The following DOCK1 variants were observed in gnomAD, a reference collection of about 807,000 sequenced individuals.
DOCK1 encodes dedicator of cytokinesis protein 1.
In DOCK1, 138 loss-of-function variants were observed where a neutral mutation model predicts 262.7. That is an observed-to-expected ratio of 0.53 (90% CI 0.46 to 0.61). The LOEUF is 0.61. Among genes scored for constraint, DOCK1 ranks in the 20% least tolerant of loss-of-function variants. The pLI is 0.00. For missense variants in DOCK1, 1,908 were observed against 2,370.7 expected (o/e 0.80, Z 4.05); for synonymous variants, 866 against 867.4 (o/e 1.00, Z 0.03).
At chr10:127,183,512 C>A (rs935875521) in intron 27 of DOCK1, among the ~76,000 whole-genome samples, 1 of 152,200 alleles carries the variant, frequency 6.6e-6, no homozygotes, top group Non-Finnish European at 1.5e-5. Flanking sequence ...TAATGAGCTT[C>A]TATTCCTAAG....
chr10:127,417,640 A>G (rs542311122), intron 44 of DOCK1, among the ~76,000 whole-genome samples: 51 of 152,268 alleles, frequency 3.3e-4, no homozygotes, highest in African/African-American at 1.2e-3. Flanking sequence ...CAGTGGCTCA[A>G]TCTCGGCTCA....
At chr10:127,187,180 A>T (rs2056351072) in intron 27 of DOCK1, among the ~76,000 whole-genome samples, 1 of 152,248 alleles carries the variant, frequency 6.6e-6, no homozygotes, top group Non-Finnish European at 1.5e-5. Flanking sequence ...AACTCAATGA[A>T]GAGTCCCATT....
In DOCK1 at chr10:127,032,184, C is replaced by T. The variant is rs765258056; in HGVS notation, c.1776C>T (p.Pro592=). ...LEDAATYLSL[P]STKAELEEKG... ...ATGCTGCCACGTACTTGAGTCTGCCCTCCACGAAGGCAGAGTTGGAAGAAA... is the reference window on the plus strand; with the variant it reads ...ATGCTGCCACGTACTTGAGTCTGCCTTCCACGAAGGCAGAGTTGGAAGAAA... The change falls in exon 18 of 52, where the codon CCC becomes CCT. Residue 592 remains proline (P), a synonymous_variant. Coordinates refer to ENST00000623213, the MANE Select transcript of DOCK1 (RefSeq NM_001290223.2). The T allele has an allele frequency of 2.5e-6, 4 of 1,598,916 alleles. No homozygotes were observed. The highest frequency in any genetic ancestry group is 3.4e-6 in the Non-Finnish European group (4 of 1,172,608).
chr10:126,988,389 A>G (rs2039562828), intron 5 of DOCK1: 1 of 152,236 alleles, frequency 6.6e-6, no homozygotes, highest in Non-Finnish European at 1.5e-5. Context: ...AAAACTTCCT[A>G]AAGTCCTGCA....
At chr10:127,326,971 G>C (rs931066112) in intron 29 of DOCK1, among the ~76,000 whole-genome samples, 1 of 152,198 alleles carries the variant, frequency 6.6e-6, no homozygotes, top group South Asian at 2.1e-4. Flanking sequence ...TCTTGTTTCT[G>C]AGTATCAGGT....
chr10:126,910,656 A>G (rs1213630769), intron 1 of DOCK1, among the ~76,000 whole-genome samples: 1 of 152,266 alleles, frequency 6.6e-6, no homozygotes, highest in African/African-American at 2.4e-5. Flanking sequence ...GTAGTACAGC[A>G]TCACGACTGG....
chr10:127,390,748 C>A (rs2134189399), intron 38 of DOCK1, among the ~76,000 whole-genome samples: 1 of 152,224 alleles, frequency 6.6e-6, no homozygotes, highest in African/African-American at 2.4e-5. Flanking sequence ...GCAGCCCTGG[C>A]AAACTAATAC....
Position 127,409,300 on chromosome 10 carries a change from C to G in DOCK1, c.4265-13C>G. 6.2e-7 allele frequency: 1 copy of G among 1,613,566 alleles called. No homozygotes were observed. The highest frequency in any genetic ancestry group is 8.5e-7 in the Non-Finnish European group (1 of 1,179,772). On this transcript the variant is annotated splice_polypyrimidine_tract_variant and intron_variant, in intron 41 of 51. Coordinates refer to ENST00000623213, the MANE Select transcript of DOCK1 (RefSeq NM_001290223.2). ...CTATGCTGCCTTAGTGATCCTTAAC[C>G]CCCTCACCTCAGATATTCAGTGCTT...
At chr10:127,005,688 A>G (rs552716923) in intron 10 of DOCK1, among the ~76,000 whole-genome samples, 80 of 152,326 alleles carry the variant, frequency 5.3e-4, no homozygotes, top group Middle Eastern at 3.4e-3. Context: ...TAAATTATCC[A>G]TAGTTTTACA....
chr10:127,275,017 C>T (rs1160172005), intron 29 of DOCK1, among the ~76,000 whole-genome samples: 4 of 151,968 alleles, frequency 2.6e-5, no homozygotes, highest in Non-Finnish European at 5.9e-5. Flanking sequence ...AGGAGGTGGC[C>T]CAATAGAGAA....
At chr10:127,165,354 G>A (rs1445948791) in intron 27 of DOCK1, among the ~76,000 whole-genome samples, 3 of 152,164 alleles carry the variant, frequency 2.0e-5, no homozygotes. Context: ...CAGAGCTCTT[G>A]TTGCCAAAGA....
At chr10:127,447,275 T>C (rs1042249850) in intron 50 of DOCK1, 119 bp from the exon 51 acceptor site, 2 of 1,433,246 alleles carry the variant, frequency 1.4e-6, no homozygotes, top group Non-Finnish European at 1.9e-6. Context: ...AAACGTTTTC[T>C]GCCAGATGAA....
chr10:127,334,308 A>G (rs1470374758), intron 29 of DOCK1, among the ~76,000 whole-genome samples: 1 of 152,236 alleles, frequency 6.6e-6, no homozygotes, highest in Non-Finnish European at 1.5e-5. Context: ...TGTAGGCTAC[A>G]ATTAAACTCA....
chr10:127,173,759 G>A (rs899965207), intron 27 of DOCK1, among the ~76,000 whole-genome samples: 1 of 152,188 alleles, frequency 6.6e-6, no homozygotes, highest in Admixed American at 6.5e-5. Flanking sequence ...CGCCTGATGA[G>A]TGTTGCTTTT....
In DOCK1 at chr10:127,384,831, C is replaced by T. The variant is rs183890235; in HGVS notation, c.3849C>T (p.Asp1283=). The T allele has an allele frequency of 1.2e-4, 197 of 1,608,724 alleles. 1 individual carries two copies. Among genetic ancestry groups the T allele is most frequent in the Non-Finnish European group, 2.1e-5 (25 of 1,178,366 alleles). Reference sequence around the variant, plus strand: ...GTGTGGCCCACCTCACCCAGCGGGACGGGTACCAGGCCACCACGCAGGGAC... The same window carrying T: ...GTGTGGCCCACCTCACCCAGCGGGATGGGTACCAGGCCACCACGCAGGGAC... ...DVCVAHLTQR[D]GYQATTQGQL... The change falls in exon 38 of 52, where the codon GAC becomes GAT. Residue 1283 remains aspartate (D), a synonymous_variant. Transcript: ENST00000623213.
intron 27 of DOCK1, among the ~76,000 whole-genome samples, chr10:127,168,780 A>G (rs1283366910): frequency 6.6e-6 from 1 of 152,184 alleles, no homozygotes; most frequent in Non-Finnish European, 1.5e-5. Flanking sequence ...TCAGACTCTA[A>G]GCCCACACCT....
At chr10:126,955,089 C>T (rs2036623271) in intron 1 of DOCK1, among the ~76,000 whole-genome samples, 1 of 152,176 alleles carries the variant, frequency 6.6e-6, no homozygotes, top group South Asian at 2.1e-4. Context: ...TAAATAATAG[C>T]CATCCTAATC....
At chr10:127,008,867 A>C in intron 11 of DOCK1, 63 bp downstream of exon 11, 1 of 1,341,852 alleles carries the variant, frequency 7.5e-7, no homozygotes, top group Admixed American at 2.3e-5. Flanking sequence ...GCTTGTAATA[A>C]TTATCTTTAT....
At chr10:127,039,296 A>G (rs1002199944) in intron 19 of DOCK1, among the ~76,000 whole-genome samples, 4 of 151,992 alleles carry the variant, frequency 2.6e-5, no homozygotes, top group Non-Finnish European at 4.4e-5. Flanking sequence ...GGTGAAATAC[A>G]TGAACGTAGT....
Sources: gnomAD v4.1 joint callset for allele counts (sites outside exome capture counted in the v4.1 genomes callset) on GRCh38, gnomAD v4.1.1 for gene constraint, MANE v1.5 for transcripts, NCBI Gene and HGNC (gene_info 2026-07-23, HGNC 2026-07-21) for gene names.